TNRC6B: variants seen among roughly 807,000 people sequenced by gnomAD.
TNRC6B encodes trinucleotide repeat-containing gene 6B protein.
Under a neutral mutation model 203.6 loss-of-function variants are expected in TNRC6B, and 52 were observed. The observed-to-expected ratio is 0.26, with a 90% CI of 0.20 to 0.32. TNRC6B has a LOEUF of 0.32. Among genes scored for constraint, TNRC6B ranks in the 10% least tolerant of loss-of-function variants. The probability of loss-of-function intolerance (pLI) is 1.00; values close to 1 mark genes in which losing one functional copy is unlikely to be tolerated. For missense variants in TNRC6B, 1,923 were observed against 2,286.2 expected (o/e 0.84, Z 3.24); for synonymous variants, 838 against 845.7 (o/e 0.99, Z 0.16).
At chr22:40,102,602 A>G (rs2068249162) in intron 1 of TNRC6B, among the ~76,000 whole-genome samples, 2 of 152,168 alleles carry the variant, frequency 1.3e-5, no homozygotes, top group Admixed American at 1.3e-4. Flanking sequence ...ATTTATATAC[A>G]TCATATATAT....
chr22:40,137,411 C>T (rs1044716684), intron 3 of TNRC6B, among the ~76,000 whole-genome samples: 3 of 152,164 alleles, frequency 2.0e-5, no homozygotes, highest in South Asian at 2.1e-4. Context: ...AGTTACACGG[C>T]AGAGTAATCA....
At chr22:40,144,608 G>T (rs1376619747) in intron 3 of TNRC6B, among the ~76,000 whole-genome samples, 2 of 146,314 alleles carry the variant, frequency 1.4e-5, no homozygotes, top group Non-Finnish European at 3.0e-5. Context: ...CGAGGAGGCA[G>T]AACTTGCAGT....
intron 1 of TNRC6B, among the ~76,000 whole-genome samples, chr22:40,071,674 T>C (rs867080180): frequency 2.6e-5 from 4 of 152,330 alleles, no homozygotes; most frequent in Middle Eastern, 3.4e-3. Context: ...TTTTTTTCTT[T>C]AGCTCAGACA....
At chr22:40,102,048 T>G (rs1161199731) in intron 1 of TNRC6B, among the ~76,000 whole-genome samples, 2 of 152,368 alleles carry the variant, frequency 1.3e-5, no homozygotes, top group East Asian at 3.9e-4. Flanking sequence ...GAATTTAATC[T>G]GAAGTACTAT....
intron 1 of TNRC6B, among the ~76,000 whole-genome samples, chr22:40,237,989 A>G (rs935321293): frequency 6.6e-6 from 1 of 151,998 alleles, no homozygotes; most frequent in African/African-American, 2.4e-5. Context: ...GTGGCATATC[A>G]TAGACACTCA....
chr22:40,266,706 C>T lies in TNRC6B; in HGVS notation c.2476C>T (p.Pro826Ser). Residue 826 changes from proline (P) to serine (S), a missense_variant, in exon 5 of 23, where the codon CCA becomes TCA. This residue lies in a region of TNRC6B where 599 missense variants were observed against 656.5 expected (regional missense o/e 0.91). Transcript: ENST00000454349. Reference sequence around the variant, plus strand: ...TAAACAACACCAACAGCAGCAGCCCCCACAGCAGCCGCCGCCACCACAACC... The same window carrying T: ...TAAACAACACCAACAGCAGCAGCCCTCACAGCAGCCGCCGCCACCACAACC... Reference protein sequence around the residue: ...WNKQHQQQQPPQQPPPPQPEA... With the variant: ...WNKQHQQQQPSQQPPPPQPEA... 6.2e-7 allele frequency: 1 copy of T among 1,613,902 alleles called. No homozygotes were observed. Among genetic ancestry groups the T allele is most frequent in the Non-Finnish European group, 8.5e-7 (1 of 1,179,834 alleles).
intron 12 of TNRC6B, among the ~76,000 whole-genome samples, chr22:40,290,747 G>C (rs938623022): frequency 5.9e-5 from 9 of 152,164 alleles, no homozygotes; most frequent in South Asian, 2.1e-4. Context: ...CACAGTGGCA[G>C]GGTCTGGGCC....
intron 1 of TNRC6B, among the ~76,000 whole-genome samples, chr22:40,207,341 G>A (rs1212568179): frequency 4.0e-5 from 6 of 150,448 alleles, no homozygotes; most frequent in South Asian, 2.1e-4. Context: ...TCAGAAGTTC[G>A]TGGGCACCTC....
At chr22:40,167,704 CAAAAAAAAAA>C (rs58022219) in intron 4 of TNRC6B, among the ~76,000 whole-genome samples, 360 of 59,032 alleles carry the variant, frequency 6.1e-3, no homozygotes, top group Admixed American at 0.011. Flanking sequence ...CCATCGCTAC[CAAAAAAAAAA>C]AAAAAAAAAA....
In TNRC6B at chr22:40,327,311, C is replaced by G. The variant is rs1039372567; in HGVS notation, c.*4070C>G. ...AAATTGGAGTGGTTCTGGACAGGCC[C>G]CAAAGGCAGTGGGCTGAATTTAAAA... On this transcript the variant is annotated 3_prime_UTR_variant, in exon 23 of 23. Coordinates refer to ENST00000454349, the MANE Select transcript of TNRC6B (RefSeq NM_001162501.2). 3 of 152,584 alleles carry G rather than the reference C, an allele frequency of 2.0e-5. No individual in the cohort carries two copies. The highest frequency in any genetic ancestry group is 7.2e-5 in the African/African-American group (3 of 41,408). 9.5% of individuals were successfully genotyped at this position (152,584 alleles called of 1,614,324 possible). A position where few individuals can be genotyped will look rare whatever the true frequency, so the allele number is the denominator to read the frequency against.
intron 1 of TNRC6B, among the ~76,000 whole-genome samples, chr22:40,107,352 C>T (rs963446434): frequency 3.3e-5 from 5 of 152,120 alleles, no homozygotes; most frequent in Non-Finnish European, 7.4e-5. Flanking sequence ...TTTAAATATT[C>T]TATCCAGACT....
chr22:40,322,737 A>G lies in TNRC6B; in HGVS notation c.5115-117A>G, dbSNP rs2071351396. 6 of 1,233,116 alleles carry G rather than the reference A, an allele frequency of 4.9e-6. No homozygotes were observed. In the Admixed American group the frequency reaches 6.5e-5, roughly 13 times the overall value. The allele number at this position is 1,233,116 out of a possible 1,614,324, so 76.4% of individuals were successfully genotyped here. ...TTTGCATTCTAAAAAGCGTTCATGG[A>G]TATGGCAGCTTCTAGTCAAAGGACT... is the stretch of plus-strand genomic sequence containing the variant. On this transcript the variant is annotated intron_variant, in intron 22 of 22. Coordinates refer to ENST00000454349, the MANE Select transcript of TNRC6B (RefSeq NM_001162501.2).
At chr22:40,201,053 G>A (rs1031459018) in intron 1 of TNRC6B, among the ~76,000 whole-genome samples, 2 of 152,194 alleles carry the variant, frequency 1.3e-5, no homozygotes, top group Non-Finnish European at 2.9e-5. Flanking sequence ...GGTGATACAC[G>A]TAGGGTGCTA....
intron 1 of TNRC6B, among the ~76,000 whole-genome samples, chr22:40,237,637 C>A (rs2069965660): frequency 6.6e-6 from 1 of 152,064 alleles, no homozygotes; most frequent in Non-Finnish European, 1.5e-5. Flanking sequence ...CATCTCCCTT[C>A]CCCCAAACTC....
At chr22:40,224,854 G>A (rs902130051) in intron 1 of TNRC6B, among the ~76,000 whole-genome samples, 34 of 152,214 alleles carry the variant, frequency 2.2e-4, no homozygotes, top group Admixed American at 4.6e-4. Flanking sequence ...TCCGGGCGCC[G>A]TGTGCCTCAT....
chr22:40,238,745 G>A (rs564928470), intron 1 of TNRC6B, among the ~76,000 whole-genome samples: 2 of 152,220 alleles, frequency 1.3e-5, no homozygotes, highest in Non-Finnish European at 2.9e-5. Context: ...TCTGTCAGGT[G>A]AACTGTCTTC....
chr22:40,086,026 A>G lies in TNRC6B; in HGVS notation c.-120-31029A>G, dbSNP rs372664486. ...GCTGGTACCACAGGTGCACACCACT[A>G]TGCCTGGCTAATTTTTACTTTTTTT... On this transcript the variant is annotated intron_variant, in intron 1 of 23. Coordinates refer to the TNRC6B transcript ENST00000301923. 7.2e-5 allele frequency among the ~76,000 whole-genome samples: 11 copies of G among 152,150 alleles called. No homozygotes were observed. In the South Asian group the frequency reaches 1.7e-3, roughly 23 times the overall value.
intron 19 of TNRC6B, among the ~76,000 whole-genome samples, chr22:40,314,904 A>G (rs1405877465): frequency 6.6e-6 from 1 of 152,250 alleles, no homozygotes; most frequent in Non-Finnish European, 1.5e-5. Context: ...ATGATTATTT[A>G]TAGAATACTT....
intron 7 of TNRC6B, chr22:40,276,749 ATGAAAG>A (rs2070650398): frequency 5.3e-6 from 1 of 188,292 alleles, no homozygotes; most frequent in South Asian, 1.7e-4. Flanking sequence ...GAGCAGCCTA[ATGAAAG>A]TGAAAGTAGT....
Sources: gnomAD v4.1 joint callset for allele counts (sites outside exome capture counted in the v4.1 genomes callset) on GRCh38, gnomAD v4.1.1 for gene constraint, gnomAD v4.1.1 regional missense constraint, MANE v1.5 for transcripts, NCBI Gene and HGNC (gene_info 2026-07-23, HGNC 2026-07-21) for gene names.